Variants in NKX1-2 observed in about 807,000 individuals in gnomAD.
NKX1-2 encodes the protein NK1 transcription factor-related protein 2.
In NKX1-2, 1 loss-of-function variant was observed where a neutral mutation model predicts 4.4. The observed-to-expected ratio is 0.23, with a 90% CI of 0.08 to 1.08. NKX1-2 has a LOEUF of 1.08. Among genes scored for constraint, NKX1-2 ranks in the 50% least tolerant of loss-of-function variants. The pLI is 0.55. For synonymous variants in NKX1-2, 235 were observed against 228.0 expected, an observed-to-expected ratio of 1.03 and a Z score of -0.28; for missense variants, 503 against 464.6, an observed-to-expected ratio of 1.08 and a Z score of -0.76.
In NKX1-2 at chr10:124,447,340, C is replaced by T. The variant is rs1358307310; in HGVS notation, c.*89G>A. 4 of 808,118 alleles carry T rather than the reference C, an allele frequency of 4.9e-6. No individual in the cohort carries two copies. Among genetic ancestry groups the T allele is most frequent in the Non-Finnish European group, 6.6e-6 (4 of 606,484 alleles). 50.1% of individuals were successfully genotyped at this position (808,118 alleles called of 1,614,324 possible). On this transcript the variant is annotated 3_prime_UTR_variant, in exon 2 of 2. Coordinates refer to ENST00000451024, the MANE Select transcript of NKX1-2 (RefSeq NM_001146340.3). ...GGGCAGGGGTGCGCTGACACCCGCG[C>T]ACCTGCACCCCCGGTGGAGGAGCCG...
chr10:124,447,489 G>T lies in NKX1-2; in HGVS notation c.873C>A (p.Ser291Arg). The T allele has an allele frequency of 3.9e-6, 5 of 1,271,702 alleles. No individual in the cohort carries two copies. Among genetic ancestry groups the T allele is most frequent in the South Asian group, 3.7e-5 (1 of 26,932 alleles). The allele number at this position is 1,271,702 out of a possible 1,614,324, so 78.8% of individuals were successfully genotyped here. The part of the protein sequence containing the change: ...SFPLTAAAPG[S>R]PFAPFLGPSY... The stretch of plus-strand genomic sequence containing the variant: ...AAGGCCCAAGGAACGGCGCGAAAGG[G>T]CTCCCGGGGGCGGCAGCCGTCAGCG... The change falls in exon 2 of 2, where the codon AGC (serine) becomes AGA (arginine). Residue 291 changes from serine to arginine, a missense_variant. Ser to Arg is a moderately radical substitution (Grantham distance 110). Transcript: ENST00000451024.
In NKX1-2 at chr10:124,448,146, A is replaced by T; in HGVS notation, c.216T>A (p.Asp72Glu). 2 of 1,474,248 alleles carry T rather than the reference A, an allele frequency of 1.4e-6. No homozygotes were observed. The highest frequency in any genetic ancestry group is 1.8e-6 in the Non-Finnish European group (2 of 1,120,096). 91.3% of individuals were successfully genotyped at this position (1,474,248 alleles called of 1,614,324 possible). The change falls in exon 2 of 2, where the codon GAT becomes GAA. Residue 72 changes from aspartate (D) to glutamate (E), a missense_variant and splice_region_variant. Physicochemically the swap from Asp to Glu is conservative, Grantham distance 45. Coordinates refer to ENST00000451024, the MANE Select transcript of NKX1-2 (RefSeq NM_001146340.3). The surrounding 1 kb of genome is among the most constrained non-coding windows in gnomAD (Gnocchi z 4.1). Reference sequence around the variant, plus strand: ...CCTGGCCGGCGCCTGGGCCCGCAGCATCTAGGGGAGAAGGGGTCGGTGAAC... The same window carrying T: ...CCTGGCCGGCGCCTGGGCCCGCAGCTTCTAGGGGAGAAGGGGTCGGTGAAC... ...RDPVRQLETP[D>E]AAGPGAGQAS...
In NKX1-2 at chr10:124,447,324, T is replaced by G. The variant is rs113259466; in HGVS notation, c.*105A>C. 6 of 814,506 alleles carry G rather than the reference T, an allele frequency of 7.4e-6. No individual in the cohort carries two copies. 50.5% of individuals were successfully genotyped at this position (814,506 alleles called of 1,614,324 possible). A position where few individuals can be genotyped will look rare whatever the true frequency, so the allele number is the denominator to read the frequency against. ...CGCGGGTGCGCGCGGCGGGCAGGGGTGCGCTGACACCCGCGCACCTGCACC... is the reference window on the plus strand; with the variant it reads ...CGCGGGTGCGCGCGGCGGGCAGGGGGGCGCTGACACCCGCGCACCTGCACC... On this transcript the variant is annotated 3_prime_UTR_variant, in exon 2 of 2. Transcript: ENST00000451024.
At position 124,449,397 on chromosome 10, in the gene NKX1-2, T is replaced by C. The variant is rs1952275927; in HGVS notation, c.214+333A>G. Reference sequence around the variant, plus strand: ...TTATCCCAGCCCTTAGCCCAGGTCCTAGCACGTGGCAAGCGCATTAAATGC... The same window carrying C: ...TTATCCCAGCCCTTAGCCCAGGTCCCAGCACGTGGCAAGCGCATTAAATGC... On this transcript the variant is annotated intron_variant, in intron 1 of 1. Transcript: ENST00000451024. This position sits in a 1 kb window ranked among gnomAD's most constrained non-coding sequence, Gnocchi z 7.5. 3.5e-6 allele frequency: 2 copies of C among 577,270 alleles called. No individual in the cohort carries two copies. The highest frequency in any genetic ancestry group is 6.6e-6 in the Non-Finnish European group (2 of 304,816). The allele number at this position is 577,270 out of a possible 1,614,324, so 35.8% of individuals were successfully genotyped here.
chr10:124,448,037 G>A lies in NKX1-2; in HGVS notation c.325C>T (p.Arg109Cys), dbSNP rs1316791792. ...GAGCGCGCTAGGCCCGGCAGCAAGC[G>A]CGCAGCCCGCTCCCGCAGCCGCGGC... ...RRPRLRERAA[R>C]LLPGLARSPD... The change falls in exon 2 of 2, where the codon CGC (arginine) becomes TGC (cysteine). Residue 109 changes from arginine to cysteine, a missense_variant. Arg to Cys is a radical substitution (Grantham distance 180, BLOSUM62 -3). Coordinates refer to ENST00000451024, the MANE Select transcript of NKX1-2 (RefSeq NM_001146340.3). This position sits in a 1 kb window ranked among gnomAD's most constrained non-coding sequence, Gnocchi z 4.1. The A allele has an allele frequency of 8.6e-6, 13 of 1,517,224 alleles. No homozygotes were observed. Among genetic ancestry groups the A allele is most frequent in the Non-Finnish European group, 8.8e-6 (10 of 1,137,984 alleles). The allele number at this position is 1,517,224 out of a possible 1,614,324, so 94.0% of individuals were successfully genotyped here.
In NKX1-2 at chr10:124,449,515, A is replaced by AG. The variant is rs1952276709; in HGVS notation, c.214+214dup. ...GTGCGGGTGAGCTTGGCGGGTGAGC[A>AG]GGGATGCGGCAAATCCCTGCCCTGT... On this transcript the variant is annotated intron_variant, in intron 1 of 1. Transcript: ENST00000451024. The surrounding 1 kb of genome is among the most constrained non-coding windows in gnomAD (Gnocchi z 7.5). 1.4e-6 allele frequency: 1 copy of AG among 697,910 alleles called. No homozygotes were observed. Among genetic ancestry groups the AG allele is most frequent in the Non-Finnish European group, 2.6e-6 (1 of 382,612 alleles). The allele number at this position is 697,910 out of a possible 1,614,324, so 43.2% of individuals were successfully genotyped here.
chr10:124,447,952 C>T lies in NKX1-2; in HGVS notation c.410G>A (p.Gly137Asp). Residue 137 changes from glycine to aspartate, a missense_variant, in exon 2 of 2, where the codon GGC becomes GAC. By Grantham distance (94) the Gly-to-Asp change is moderately conservative (BLOSUM62 -1). Transcript: ENST00000451024. ...GGATCCCGGGGGGGACCTCACAGGGCCGCCCCCGCCGTCCTCGCAGGGCTC... is the reference window on the plus strand; with the variant it reads ...GGATCCCGGGGGGGACCTCACAGGGTCGCCCCCGCCGTCCTCGCAGGGCTC... ...SGEPCEDGGG[G>D]PVRSPPGSPG... The T allele has an allele frequency of 7.1e-7, 1 of 1,408,020 alleles. No individual in the cohort carries two copies. Among genetic ancestry groups the T allele is most frequent in the Admixed American group, 3.4e-5 (1 of 29,032 alleles). 87.2% of individuals were successfully genotyped at this position (1,408,020 alleles called of 1,614,324 possible).
In NKX1-2 at chr10:124,447,789, G is replaced by C; in HGVS notation, c.573C>G (p.Cys191Trp). 1 of 1,481,174 alleles carries C rather than the reference G, an allele frequency of 6.8e-7. No individual in the cohort carries two copies. The highest frequency in any genetic ancestry group is 9.0e-7 in the Non-Finnish European group (1 of 1,109,410). The allele number at this position is 1,481,174 out of a possible 1,614,324, so 91.8% of individuals were successfully genotyped here. ...KFRATRYLSV[C>W]ERLNLALSLS... ...GAGACAGCGCGAGGTTCAGGCGCTC[G>C]CACACTGACAGGTAGCGCGTGGCCC... The change falls in exon 2 of 2, where the codon TGC becomes TGG. Residue 191 changes from cysteine to tryptophan, a missense_variant. By Grantham distance (215) the Cys-to-Trp change is radical. Transcript: ENST00000451024.
rs1196472951 is a variant in NKX1-2, at chr10:124,449,598, C to T, written c.214+132G>A. Reference sequence around the variant, plus strand: ...AGTCCGAGGCGGGGGCTACACTTCGCACCCGGTCCCGTGCGCCTTCTCTCT... The same window carrying T: ...AGTCCGAGGCGGGGGCTACACTTCGTACCCGGTCCCGTGCGCCTTCTCTCT... On this transcript the variant is annotated intron_variant, in intron 1 of 1. Coordinates refer to ENST00000451024, the MANE Select transcript of NKX1-2 (RefSeq NM_001146340.3). The surrounding 1 kb of genome is among the most constrained non-coding windows in gnomAD (Gnocchi z 7.5). The T allele has an allele frequency of 2.6e-6, 2 of 756,986 alleles. No homozygotes were observed. The highest frequency in any genetic ancestry group is 4.6e-6 in the Non-Finnish European group (2 of 435,204). The allele number at this position is 756,986 out of a possible 1,614,324, so 46.9% of individuals were successfully genotyped here.
chr10:124,447,596 G>A lies in NKX1-2; in HGVS notation c.766C>T (p.Pro256Ser). Residue 256 changes from proline to serine, a missense_variant, in exon 2 of 2, where the codon CCC (proline) becomes TCC (serine). Physicochemically the swap from Pro to Ser is moderately conservative, Grantham distance 74. Coordinates refer to ENST00000451024, the MANE Select transcript of NKX1-2 (RefSeq NM_001146340.3). The stretch of plus-strand genomic sequence containing the variant: ...TGGAAGTGCAGAGCGCCGGTGCCGG[G>A]AGGGCCAGGACTGCCCCCCGAGCCG... ...GGGSGGSPGP[P>S]GTGALHFQTF... is the part of the protein sequence containing the mutation. The A allele has an allele frequency of 7.9e-7, 1 of 1,270,942 alleles. No homozygotes were observed. The allele number at this position is 1,270,942 out of a possible 1,614,324, so 78.7% of individuals were successfully genotyped here. A position where few individuals can be genotyped will look rare whatever the true frequency, so the allele number is the denominator to read the frequency against.
At position 124,446,872 on chromosome 10, in the gene NKX1-2, A is replaced by G. The variant is rs1952241557; in HGVS notation, c.*557T>C. The G allele has an allele frequency of 6.6e-6, 1 of 152,190 alleles. No homozygotes were observed. The allele number at this position is 152,190 out of a possible 1,614,324, so 9.4% of individuals were successfully genotyped here. A position where few individuals can be genotyped will look rare whatever the true frequency, so the allele number is the denominator to read the frequency against. ...TAAAGATCTAGAAATGTGGAGTTTT[A>G]TGCATTTTAAAAATAGTCCGTTTCA... is the stretch of plus-strand genomic sequence containing the variant. On this transcript the variant is annotated 3_prime_UTR_variant, in exon 2 of 2. Transcript: ENST00000451024.
In NKX1-2 at chr10:124,447,617, A is replaced by AGCCGCC. The variant is rs1465923227; in HGVS notation, c.739_744dup (p.Gly247_Gly248dup). 21 of 1,278,598 alleles carry AGCCGCC rather than the reference A, an allele frequency of 1.6e-5. No homozygotes were observed. Among genetic ancestry groups the AGCCGCC allele is most frequent in the East Asian group, 1.2e-4 (4 of 32,376 alleles). 79.2% of individuals were successfully genotyped at this position (1,278,598 alleles called of 1,614,324 possible). Reference sequence around the variant, plus strand: ...CCGGGAGGGCCAGGACTGCCCCCCGAGCCGCCGCCGCCGCCGCCCCCCGCC... The same window carrying AGCCGCC: ...CCGGGAGGGCCAGGACTGCCCCCCGAGCCGCCGCCGCCGCCGCCGCCGCCCCCCGCC... On this transcript the variant is annotated inframe_insertion, in exon 2 of 2. Transcript: ENST00000451024.
At position 124,449,325 on chromosome 10, in the gene NKX1-2, T is replaced by A; in HGVS notation, c.214+405A>T. 1 of 430,822 alleles carries A rather than the reference T, an allele frequency of 2.3e-6. No individual in the cohort carries two copies. The highest frequency in any genetic ancestry group is 4.7e-6 in the Non-Finnish European group (1 of 211,128). 26.7% of individuals were successfully genotyped at this position (430,822 alleles called of 1,614,324 possible). On this transcript the variant is annotated intron_variant, in intron 1 of 1. Coordinates refer to ENST00000451024, the MANE Select transcript of NKX1-2 (RefSeq NM_001146340.3). This position sits in a 1 kb window ranked among gnomAD's most constrained non-coding sequence, Gnocchi z 7.5. Reference sequence around the variant, plus strand: ...TCCCCCATCCATAAAATGGAGGTGATGTTAATGATGCTGTCCATCTCTCAG... The same window carrying A: ...TCCCCCATCCATAAAATGGAGGTGAAGTTAATGATGCTGTCCATCTCTCAG...
Position 124,449,412 on chromosome 10 carries a change from G to A in NKX1-2, c.214+318C>T, listed in dbSNP as rs778238459. The A allele has an allele frequency of 3.5e-5, 21 of 605,612 alleles. No homozygotes were observed. The highest frequency in any genetic ancestry group is 7.6e-5 in the South Asian group (5 of 65,916). 37.5% of individuals were successfully genotyped at this position (605,612 alleles called of 1,614,324 possible). On this transcript the variant is annotated intron_variant, in intron 1 of 1. Transcript: ENST00000451024. This position sits in a 1 kb window ranked among gnomAD's most constrained non-coding sequence, Gnocchi z 7.5. ...GCCCAGGTCCTAGCACGTGGCAAGC[G>A]CATTAAATGCCCGATAAATGAGTAA...
At position 124,447,341 on chromosome 10, in the gene NKX1-2, A is replaced by T; in HGVS notation, c.*88T>A. 4 of 811,032 alleles carry T rather than the reference A, an allele frequency of 4.9e-6. No homozygotes were observed. Among genetic ancestry groups the T allele is most frequent in the Non-Finnish European group, 6.6e-6 (4 of 609,112 alleles). The allele number at this position is 811,032 out of a possible 1,614,324, so 50.2% of individuals were successfully genotyped here. A position where few individuals can be genotyped will look rare whatever the true frequency, so the allele number is the denominator to read the frequency against. ...GGCAGGGGTGCGCTGACACCCGCGC[A>T]CCTGCACCCCCGGTGGAGGAGCCGA... On this transcript the variant is annotated 3_prime_UTR_variant, in exon 2 of 2. Transcript: ENST00000451024.
Position 124,449,685 on chromosome 10 carries a change from G to A in NKX1-2, c.214+45C>T, listed in dbSNP as rs1401839658. On this transcript the variant is annotated intron_variant, in intron 1 of 1. Transcript: ENST00000451024. This position sits in a 1 kb window ranked among gnomAD's most constrained non-coding sequence, Gnocchi z 7.5. ...GCTGTTCCCCCATACACTCCGCATT[G>A]TTGGGGCTGAGGCCTCCTGGGGCCG... The A allele has an allele frequency of 5.7e-6, 8 of 1,397,880 alleles. No homozygotes were observed. Among genetic ancestry groups the A allele is most frequent in the Middle Eastern group, 1.8e-4 (1 of 5,700 alleles). 86.6% of individuals were successfully genotyped at this position (1,397,880 alleles called of 1,614,324 possible).
At position 124,449,171 on chromosome 10, in the gene NKX1-2, GC is replaced by G. The variant is rs1365029510; in HGVS notation, c.214+558del. On this transcript the variant is annotated intron_variant, in intron 1 of 1. Transcript: ENST00000451024. The surrounding 1 kb of genome is among the most constrained non-coding windows in gnomAD (Gnocchi z 7.5). ...ACACTCCATCCGAGCCCCGCCCCCA[GC>G]CCAGTCCCAGTTAACAGTTGAGTCT... Among the ~76,000 whole-genome samples the G allele has an allele frequency of 1.3e-5, 2 of 152,208 alleles. No individual in the cohort carries two copies. Among genetic ancestry groups the G allele is most frequent in the Non-Finnish European group, 2.9e-5 (2 of 68,040 alleles).
chr10:124,447,817 A>C lies in NKX1-2; in HGVS notation c.545T>G (p.Phe182Cys). 2 of 1,476,902 alleles carry C rather than the reference A, an allele frequency of 1.4e-6. No individual in the cohort carries two copies. Among genetic ancestry groups the C allele is most frequent in the Non-Finnish European group, 1.8e-6 (2 of 1,106,614 alleles). The allele number at this position is 1,476,902 out of a possible 1,614,324, so 91.5% of individuals were successfully genotyped here. Reference sequence around the variant, plus strand: ...CACTGACAGGTAGCGCGTGGCCCGGAACTTGTTCTCCAAGGCCACCAGCTG... The same window carrying C: ...CACTGACAGGTAGCGCGTGGCCCGGCACTTGTTCTCCAAGGCCACCAGCTG... ...YEQLVALENK[F>C]RATRYLSVCE... is the part of the protein sequence containing the mutation. Residue 182 changes from phenylalanine to cysteine, a missense_variant, in exon 2 of 2, where the codon TTC (phenylalanine) becomes TGC (cysteine). Coordinates refer to ENST00000451024, the MANE Select transcript of NKX1-2 (RefSeq NM_001146340.3).
chr10:124,447,617 AGCCGCC>A lies in NKX1-2; in HGVS notation c.739_744del (p.Gly247_Gly248del), dbSNP rs1465923227. On this transcript the variant is annotated inframe_deletion, in exon 2 of 2. Transcript: ENST00000451024. ...CCGGGAGGGCCAGGACTGCCCCCCG[AGCCGCC>A]GCCGCCGCCGCCCCCCGCCGCCCCT... The A allele has an allele frequency of 7.8e-7, 1 of 1,278,698 alleles. No homozygotes were observed. Among genetic ancestry groups the A allele is most frequent in the South Asian group, 3.8e-5 (1 of 26,212 alleles). 79.2% of individuals were successfully genotyped at this position (1,278,698 alleles called of 1,614,324 possible). A position where few individuals can be genotyped will look rare whatever the true frequency, so the allele number is the denominator to read the frequency against.
Sources: gnomAD v4.1 joint callset for allele counts (sites outside exome capture counted in the v4.1 genomes callset) on GRCh38, gnomAD v4.1.1 for gene constraint, Gnocchi (gnomAD v3.1) non-coding constraint, MANE v1.5 for transcripts, NCBI Gene and HGNC (gene_info 2026-07-23, HGNC 2026-07-21) for gene names.